The following MFHAS1 variants were observed in gnomAD, a reference collection of about 807,000 sequenced individuals.
MFHAS1 encodes multifunctional ROCO family signaling regulator 1.
Under a neutral mutation model 70.4 loss-of-function variants are expected in MFHAS1, and 50 were observed. That is an observed-to-expected ratio of 0.71 (90% CI 0.57 to 0.90). The LOEUF (loss-of-function observed/expected upper bound fraction) is 0.90, where lower values mean the gene tolerates loss of function less well. MFHAS1 is among the 40% of genes least tolerant of loss of function. MFHAS1 has a pLI of 0.00. For missense variants in MFHAS1, 1,795 were observed against 1,347.6 expected, an observed-to-expected ratio of 1.33 and a Z score of -5.20; for synonymous variants, 952 against 620.0, an observed-to-expected ratio of 1.54 and a Z score of -7.96.
chr8:8,807,834 A>G (rs1228582264), intron 1 of MFHAS1, among the ~76,000 whole-genome samples: 1 of 152,234 alleles, frequency 6.6e-6, no homozygotes, highest in Admixed American at 6.5e-5. Flanking sequence ...GTAACAATTT[A>G]AAAAGCAAAA....
chr8:8,860,291 G>C (rs1488449775), intron 1 of MFHAS1, among the ~76,000 whole-genome samples: 1 of 152,122 alleles, frequency 6.6e-6, no homozygotes, highest in East Asian at 1.9e-4. Context: ...ACTGTGCTAC[G>C]CGTCAACAAT....
At chr8:8,822,796 T>C (rs1370681528) in intron 1 of MFHAS1, among the ~76,000 whole-genome samples, 5 of 131,678 alleles carry the variant, frequency 3.8e-5, no homozygotes, top group African/African-American at 1.5e-4. Context: ...GCCAGGGGGA[T>C]TTAGAAGGGG....
intron 1 of MFHAS1, among the ~76,000 whole-genome samples, chr8:8,879,929 G>A (rs1263120564): frequency 6.6e-6 from 1 of 152,202 alleles, no homozygotes; most frequent in Non-Finnish European, 1.5e-5. Flanking sequence ...GGTCTTGCCA[G>A]TCATTCCAGG....
At chr8:8,786,670 A>G (rs1805554567) in intron 2 of MFHAS1, among the ~76,000 whole-genome samples, 1 of 151,352 alleles carries the variant, frequency 6.6e-6, no homozygotes, top group Admixed American at 6.6e-5. Flanking sequence ...TTGCTTCCCT[A>G]CAATGACATG....
At chr8:8,864,418 A>G (rs546858777) in intron 1 of MFHAS1, among the ~76,000 whole-genome samples, 18 of 152,338 alleles carry the variant, frequency 1.2e-4, no homozygotes, top group African/African-American at 3.1e-4. Context: ...TAGTAGAAAC[A>G]ATGTCTTCCT....
chr8:8,792,549 T>C (rs1249230780), intron 2 of MFHAS1, among the ~76,000 whole-genome samples: 2 of 152,074 alleles, frequency 1.3e-5, no homozygotes, highest in Non-Finnish European at 2.9e-5. Flanking sequence ...GAGGTTGTGG[T>C]GAGCCAAGAT....
rs1215306794 is a variant in MFHAS1, at chr8:8,890,658, G to A, written c.2401C>T (p.His801Tyr). 2.5e-6 allele frequency: 4 copies of A among 1,613,398 alleles called. No homozygotes were observed. Among genetic ancestry groups the A allele is most frequent in the African/African-American group, 1.3e-5 (1 of 74,922 alleles). Residue 801 changes from histidine (H) to tyrosine (Y), a missense_variant, in exon 1 of 3, where the codon CAT (histidine) becomes TAT (tyrosine). Transcript: ENST00000276282. Reference sequence around the variant, plus strand: ...GGCTTAAGCAGCAACCGAATGACATGAGCTGGCAAGAGCCCATGCAACAGA... The same window carrying A: ...GGCTTAAGCAGCAACCGAATGACATAAGCTGGCAAGAGCCCATGCAACAGA... ...GFLLHGLLPA[H>Y]VIRLLLKPHV... is the part of the protein sequence containing the mutation.
chr8:8,843,275 C>CAA (rs565954183), intron 1 of MFHAS1, among the ~76,000 whole-genome samples: 1 of 123,694 alleles, frequency 8.1e-6, no homozygotes, highest in African/African-American at 3.3e-5. Context: ...GACTCCGTCT[C>CAA]AAAAAAAAAA....
chr8:8,837,360 TG>T (rs1807635278), intron 1 of MFHAS1, among the ~76,000 whole-genome samples: 1 of 152,182 alleles, frequency 6.6e-6, no homozygotes, highest in African/African-American at 2.4e-5. Context: ...AGAAGATGCT[TG>T]GCCAGGCGCA....
intron 1 of MFHAS1, among the ~76,000 whole-genome samples, chr8:8,880,051 A>AT (rs1286258703): frequency 6.6e-6 from 1 of 152,116 alleles, no homozygotes; most frequent in Non-Finnish European, 1.5e-5. Context: ...CGTGTATGTC[A>AT]CCCCTCATTA....
chr8:8,845,926 T>C (rs1000735255), intron 1 of MFHAS1, among the ~76,000 whole-genome samples: 1 of 151,986 alleles, frequency 6.6e-6, no homozygotes, highest in Non-Finnish European at 1.5e-5. Context: ...AACAAATCCA[T>C]CAACAACCCC....
intron 1 of MFHAS1, among the ~76,000 whole-genome samples, chr8:8,799,281 T>C (rs149414513): frequency 3.3e-5 from 5 of 152,300 alleles, no homozygotes; most frequent in South Asian, 4.1e-4. Context: ...AATGATAATA[T>C]ACTGTATTAA....
intron 2 of MFHAS1, among the ~76,000 whole-genome samples, chr8:8,793,760 G>A (rs1407531843): frequency 6.6e-6 from 1 of 152,218 alleles, no homozygotes; most frequent in African/African-American, 2.4e-5. Flanking sequence ...CACCCTTAGA[G>A]GCATGGACTG....
intron 1 of MFHAS1, chr8:8,822,070 G>T (rs1256069758): frequency 6.6e-6 from 1 of 152,344 alleles, no homozygotes; most frequent in Non-Finnish European, 1.5e-5. Flanking sequence ...GTAGCATGAG[G>T]CCTTGAGACC....
chr8:8,888,694 C>T (rs187710177), intron 1 of MFHAS1, among the ~76,000 whole-genome samples: 4 of 152,006 alleles, frequency 2.6e-5, no homozygotes, highest in East Asian at 1.9e-4. Context: ...CTGTGGTTGC[C>T]GGGGTTGGGG....
chr8:8,812,366 G>A (rs894460341), intron 1 of MFHAS1, among the ~76,000 whole-genome samples: 6 of 152,122 alleles, frequency 3.9e-5, no homozygotes, highest in African/African-American at 1.4e-4. Context: ...TGGTCAGTAC[G>A]CTGCTGGGTC....
chr8:8,862,867 G>T (rs1215641847), intron 1 of MFHAS1, among the ~76,000 whole-genome samples: 1 of 152,202 alleles, frequency 6.6e-6, no homozygotes, highest in Non-Finnish European at 1.5e-5. Context: ...CAATTTTGCT[G>T]TGAACCTAAA....
chr8:8,794,207 G>C (rs981988858), intron 2 of MFHAS1, among the ~76,000 whole-genome samples: 1 of 151,740 alleles, frequency 6.6e-6, no homozygotes, highest in African/African-American at 2.4e-5. Flanking sequence ...AAAAAAAAAA[G>C]CCTGACCTCT....
intron 1 of MFHAS1, among the ~76,000 whole-genome samples, chr8:8,887,844 C>T (rs1215639596): frequency 1.5e-5 from 2 of 135,674 alleles, no homozygotes; most frequent in Non-Finnish European, 3.1e-5. Flanking sequence ...AAAGAGCTGA[C>T]GTTAGCAAAA....
Sources: allele counts gnomAD v4.1 joint callset (sites outside exome capture counted in the v4.1 genomes callset), GRCh38; gene constraint gnomAD v4.1.1; transcripts MANE v1.5; gene names NCBI Gene and HGNC (gene_info 2026-07-23, HGNC 2026-07-21).